The following SSBP4 variants were observed in gnomAD, a reference collection of about 807,000 sequenced individuals.
SSBP4 encodes single stranded DNA binding protein 4, also known as single-stranded DNA-binding protein 4.
Under a neutral mutation model 64.6 loss-of-function variants are expected in SSBP4, and 33 were observed. The observed-to-expected ratio is 0.51, with a 90% confidence interval of 0.39 to 0.68. The LOEUF (loss-of-function observed/expected upper bound fraction) is 0.68, where lower values mean the gene tolerates loss of function less well. SSBP4 is among the 30% of genes least tolerant of loss of function. The probability of loss-of-function intolerance (pLI) is 0.00; values close to 1 mark genes in which losing one functional copy is unlikely to be tolerated. For synonymous variants in SSBP4, 243 were observed against 224.0 expected, an observed-to-expected ratio of 1.08 and a Z score of -0.76; for missense variants, 583 against 566.8, an observed-to-expected ratio of 1.03 and a Z score of -0.29.
the SSBP4 span, among the ~76,000 whole-genome samples, chr19:18,411,788 G>A: frequency 2.6e-5 from 4 of 152,272 alleles, no homozygotes; most frequent in Non-Finnish European, 5.9e-5. Flanking sequence ...CCCCAGAAGG[G>A]AAGAAAAGAC....
In SSBP4 at chr19:18,419,445, C is replaced by A; in HGVS notation, c.-204C>A. On this transcript the variant is annotated 5_prime_UTR_variant, in exon 1 of 18. Transcript: ENST00000270061. ...GAGGAAAGGGAGGAAAAAAAGCCAC[C>A]CTGCGGCCGGGGCCGGAGCTGGAGC... 1 of 1,054,920 alleles carries A rather than the reference C, an allele frequency of 9.5e-7. No homozygotes were observed. The highest frequency in any genetic ancestry group is 4.4e-5 in the South Asian group (1 of 22,764). 65.3% of individuals were successfully genotyped at this position (1,054,920 alleles called of 1,614,324 possible).
chr19:18,433,374 G>A (rs1973646393), intron 15 of SSBP4, 161 bp downstream of exon 15: 3 of 1,261,822 alleles, frequency 2.4e-6, no homozygotes, highest in Non-Finnish European at 3.3e-6. Context: ...GAGCTGGAGG[G>A]GGATCCAGCG....
chr19:18,430,939 C>G lies in SSBP4; in HGVS notation c.369+9C>G. ...CGGCTGGCTTCTTCCAGGTATGGCC[C>G]CGGCTGGAGTCCACTGGCCCCCAAC... On this transcript the variant is annotated intron_variant, in intron 5 of 17. Coordinates refer to ENST00000270061, the MANE Select transcript of SSBP4 (RefSeq NM_032627.5). 6.2e-7 allele frequency: 1 copy of G among 1,611,030 alleles called. No homozygotes were observed. Among genetic ancestry groups the G allele is most frequent in the Non-Finnish European group, 8.5e-7 (1 of 1,179,734 alleles).
In SSBP4 at chr19:18,433,654, G is replaced by C. The variant is rs756305938; in HGVS notation, c.1020+41G>C. On this transcript the variant is annotated intron_variant, in intron 16 of 17. Transcript: ENST00000270061. ...TCTTGCCGGGGGTGGGATCCGGGGGGGGTGGCGGGGAGGGGGCGGGGCGGG... is the reference window on the plus strand; with the variant it reads ...TCTTGCCGGGGGTGGGATCCGGGGGCGGTGGCGGGGAGGGGGCGGGGCGGG... The C allele has an allele frequency of 9.6e-5, 136 of 1,422,780 alleles. No individual in the cohort carries two copies. The Middle Eastern group carries it at 2.3e-3, about 24-fold the overall frequency. 88.1% of individuals were successfully genotyped at this position (1,422,780 alleles called of 1,614,324 possible). A position where few individuals can be genotyped will look rare whatever the true frequency, so the allele number is the denominator to read the frequency against.
chr19:18,427,417 G>A lies in SSBP4; in HGVS notation c.126G>A (p.Leu42=), dbSNP rs756086155. Reference sequence around the variant, plus strand: ...CCCAGAAGTCAGCCCAGACCTTCCTGTCTGAGGTAAGCCACCACCTCCAGG... The same window carrying A: ...CCCAGAAGTCAGCCCAGACCTTCCTATCTGAGGTAAGCCACCACCTCCAGG... ...IGAQKSAQTF[L]SEIRWEKNIT... The change falls in exon 2 of 18, where the codon CTG becomes CTA. Residue 42 remains leucine (L), a synonymous_variant. Coordinates refer to ENST00000270061, the MANE Select transcript of SSBP4 (RefSeq NM_032627.5). The surrounding 1 kb of genome is among the most constrained non-coding windows in gnomAD (Gnocchi z 4.4). 18 of 1,610,162 alleles carry A rather than the reference G, an allele frequency of 1.1e-5. No individual in the cohort carries two copies. The South Asian group carries it at 1.8e-4, about 16-fold the overall frequency.
At chr19:18,415,812 C>T (rs1043072259), upstream of SSBP4, among the ~76,000 whole-genome samples, 3 of 152,078 alleles carry the variant, frequency 2.0e-5, no homozygotes, top group Non-Finnish European at 2.9e-5. Flanking sequence ...AACCTCCCTG[C>T]CCTAAAAGAA....
In SSBP4 at chr19:18,426,147, G is replaced by C. The variant is rs1183566644; in HGVS notation, c.60-1204G>C. On this transcript the variant is annotated intron_variant, in intron 1 of 17. Coordinates refer to ENST00000270061, the MANE Select transcript of SSBP4 (RefSeq NM_032627.5). The surrounding 1 kb of genome is among the most constrained non-coding windows in gnomAD (Gnocchi z 4.5). Reference sequence around the variant, plus strand: ...GCAGGAACAGGAGGACTGGAAATCTGAAAGGGACTTGGGGGCCCTGATGGG... The same window carrying C: ...GCAGGAACAGGAGGACTGGAAATCTCAAAGGGACTTGGGGGCCCTGATGGG... The C allele has an allele frequency of 6.6e-6, 1 of 152,460 alleles. No individual in the cohort carries two copies. The highest frequency in any genetic ancestry group is 1.9e-4 in the East Asian group (1 of 5,204). The allele number at this position is 152,460 out of a possible 1,614,324, so 9.4% of individuals were successfully genotyped here.
intron 4 of SSBP4, among the ~76,000 whole-genome samples, chr19:18,428,594 T>C (rs1973042404): frequency 6.6e-6 from 1 of 152,038 alleles, no homozygotes; most frequent in Non-Finnish European, 1.5e-5. Flanking sequence ...CTTCCCTTCA[T>C]CCTCTGCGCT....
chr19:18,431,993 A>C lies in SSBP4; in HGVS notation c.566-7A>C. On this transcript the variant is annotated splice_polypyrimidine_tract_variant and splice_region_variant and intron_variant, in intron 8 of 17. Transcript: ENST00000270061. ...GTCCAAGTCCCCTTCCTTCTGCCCCACCCCAGGGCATCCGAGCATGGGCGG... is the reference window on the plus strand; with the variant it reads ...GTCCAAGTCCCCTTCCTTCTGCCCCCCCCCAGGGCATCCGAGCATGGGCGG... The C allele has an allele frequency of 6.4e-7, 1 of 1,552,964 alleles. No homozygotes were observed. Among genetic ancestry groups the C allele is most frequent in the Non-Finnish European group, 8.7e-7 (1 of 1,144,600 alleles).
rs538053479 is a variant in SSBP4 at position 18,419,407 on chromosome 19, A to C, written c.-242A>C. On this transcript the variant is annotated 5_prime_UTR_variant, in exon 1 of 18. Transcript: ENST00000270061. Reference sequence around the variant, plus strand: ...GAGGAGGGGAGCGCGCGTTTCCCGGAACAGCCCGCGCGGAGGAAAGGGAGG... The same window carrying C: ...GAGGAGGGGAGCGCGCGTTTCCCGGCACAGCCCGCGCGGAGGAAAGGGAGG... 0.011 allele frequency: 11,813 copies of C among 1,031,934 alleles called. 83 individuals carry two copies. Among genetic ancestry groups the C allele is most frequent in the Non-Finnish European group, 0.013 (10,942 of 862,676 alleles). The allele number at this position is 1,031,934 out of a possible 1,614,324, so 63.9% of individuals were successfully genotyped here. A position where few individuals can be genotyped will look rare whatever the true frequency, so the allele number is the denominator to read the frequency against.
Position 18,432,834 on chromosome 19 carries a change from C to T in SSBP4, c.792C>T (p.Pro264=), listed in dbSNP as rs1220900971. ...TTCCTGTCTCTTGTGTGCAGGGACC[C>T]CCAGGAGGAGGTGGGCCCCCTGGAA... ...SSSSPGSYTG[P]PGGGGPPGTP... Residue 264 remains proline (P), a synonymous_variant, in exon 13 of 18, where the codon CCC becomes CCT. Coordinates refer to ENST00000270061, the MANE Select transcript of SSBP4 (RefSeq NM_032627.5). The T allele has an allele frequency of 1.9e-6, 3 of 1,613,874 alleles. No individual in the cohort carries two copies. Among genetic ancestry groups the T allele is most frequent in the Admixed American group, 1.7e-5 (1 of 60,004 alleles).
At chr19:18,403,900 A>G in the SSBP4 span, among the ~76,000 whole-genome samples, 4 of 152,048 alleles carry the variant, frequency 2.6e-5, no homozygotes, top group African/African-American at 9.7e-5. Context: ...TGGAACTTTC[A>G]GAGGCCACCT....
chr19:18,429,447 G>C (rs1344297355), intron 4 of SSBP4, among the ~76,000 whole-genome samples: 22 of 148,690 alleles, frequency 1.5e-4, no homozygotes. Context: ...GCCTAGAGTT[G>C]GGAAGCTGCG....
At chr19:18,422,968 C>G (rs552545101) in intron 1 of SSBP4, among the ~76,000 whole-genome samples, 68 of 152,328 alleles carry the variant, frequency 4.5e-4, no homozygotes, top group Middle Eastern at 3.4e-3. Flanking sequence ...ACAGGCCTTC[C>G]CGGCTTACAC....
chr19:18,427,285 G>T lies in SSBP4; in HGVS notation c.60-66G>T. On this transcript the variant is annotated intron_variant, in intron 1 of 17. Coordinates refer to ENST00000270061, the MANE Select transcript of SSBP4 (RefSeq NM_032627.5). This position sits in a 1 kb window ranked among gnomAD's most constrained non-coding sequence, Gnocchi z 4.4. ...TTTCCACCCGCCCTCCTGAGAGATG[G>T]AGGGGCTTTGGGGTGGGCCCTTGCC... 1 of 1,557,660 alleles carries T rather than the reference G, an allele frequency of 6.4e-7. No homozygotes were observed. Among genetic ancestry groups the T allele is most frequent in the East Asian group, 2.3e-5 (1 of 44,152 alleles).
chr19:18,420,749 G>A (rs1972395088), intron 1 of SSBP4, among the ~76,000 whole-genome samples: 1 of 151,898 alleles, frequency 6.6e-6, no homozygotes, highest in Non-Finnish European at 1.5e-5. Flanking sequence ...CTACTCGGGA[G>A]GCTGAGGCAG....
At chr19:18,404,194 G>T in the SSBP4 span, among the ~76,000 whole-genome samples, 1 of 151,702 alleles carries the variant, frequency 6.6e-6, no homozygotes, top group African/African-American at 2.4e-5. Flanking sequence ...GACATTTAGA[G>T]ACCTTCAGAG....
chr19:18,409,855 T>C, the SSBP4 span, among the ~76,000 whole-genome samples: 1 of 149,782 alleles, frequency 6.7e-6, no homozygotes, highest in East Asian at 2.0e-4. Context: ...TTTTTGAGTC[T>C]GAGTCTCGCT....
intron 1 of SSBP4, among the ~76,000 whole-genome samples, chr19:18,422,601 C>T: frequency 6.6e-6 from 1 of 152,246 alleles, no homozygotes; most frequent in African/African-American, 2.4e-5. Flanking sequence ...TTCTCTGGCA[C>T]AGATGAGCTC....
Sources: allele counts gnomAD v4.1 joint callset (sites outside exome capture counted in the v4.1 genomes callset), GRCh38; gene constraint gnomAD v4.1.1; non-coding constraint Gnocchi (gnomAD v3.1); transcripts MANE v1.5; gene names NCBI Gene and HGNC (gene_info 2026-07-23, HGNC 2026-07-21).